The following WDR41 variants were observed in gnomAD, a reference collection of about 807,000 sequenced individuals.
WDR41 encodes WD repeat domain 41.
Under a neutral mutation model 69.3 loss-of-function variants are expected in WDR41, and 63 were observed. The observed-to-expected ratio is 0.91, with a 90% CI of 0.74 to 1.12. WDR41 has a LOEUF of 1.12. Ranked by LOEUF, WDR41 falls within the 50% of genes most tolerant of loss-of-function variation. The pLI, the probability that WDR41 is intolerant of heterozygous loss-of-function variation, is 0.00. For missense variants in WDR41, 543 were observed against 534.5 expected, an observed-to-expected ratio of 1.02 and a Z score of -0.16; for synonymous variants, 185 against 192.1, an observed-to-expected ratio of 0.96 and a Z score of 0.31.
At position 77,545,485 on chromosome 5, in the gene WDR41, G is replaced by A. The variant is rs141518950; in HGVS notation, c.43-55913C>T. 151 of 218,984 alleles carry A rather than the reference G, an allele frequency of 6.9e-4. 1 individual carries two copies. The East Asian group carries it at 0.02, about 29-fold the overall frequency. The allele number at this position is 218,984 out of a possible 1,614,324, so 13.6% of individuals were successfully genotyped here. A position where few individuals can be genotyped will look rare whatever the true frequency, so the allele number is the denominator to read the frequency against. The stretch of plus-strand genomic sequence containing the variant: ...CCACAGTGGCTTCCGGGGAGGCTTC[G>A]GCAGTGGCATCCAGGGCCAGGGTCG... On this transcript the variant is annotated intron_variant, in intron 1 of 5. Transcript: ENST00000509971.
chr5:77,620,389 A>T, intron 1 of WDR41: 1 of 429,780 alleles, frequency 2.3e-6, no homozygotes, highest in Non-Finnish European at 4.7e-6. Flanking sequence ...CTGTTTTAAT[A>T]GGGGAAAAGA....
At chr5:77,486,731 C>T (rs998588185) in intron 2 of WDR41, among the ~76,000 whole-genome samples, 1 of 152,144 alleles carries the variant, frequency 6.6e-6, no homozygotes, top group East Asian at 1.9e-4. Context: ...GCCAATCTAC[C>T]AGCTGACAGA....
At chr5:77,562,686 G>T (rs2112260106) in intron 1 of WDR41, among the ~76,000 whole-genome samples, 1 of 152,242 alleles carries the variant, frequency 6.6e-6, no homozygotes, top group South Asian at 2.1e-4. Flanking sequence ...CATCATATTG[G>T]CTAGGCATCT....
rs542067680 is a variant in WDR41 at position 77,447,254 on chromosome 5, C to G, written c.697+2506G>C. 3.3e-5 allele frequency among the ~76,000 whole-genome samples: 5 copies of G among 152,274 alleles called. No individual in the cohort carries two copies. The East Asian group carries it at 9.7e-4, about 29-fold the overall frequency. On this transcript the variant is annotated intron_variant, in intron 8 of 12. Coordinates refer to ENST00000296679, the MANE Select transcript of WDR41 (RefSeq NM_018268.4). ...GTCAGAATGGCAATTATTAAAAAGT[C>G]AGGAAACCATAGATGCTGACAAGGC... is the stretch of plus-strand genomic sequence containing the variant.
At chr5:77,488,426 C>A (rs1247112046) in intron 2 of WDR41, among the ~76,000 whole-genome samples, 1 of 150,444 alleles carries the variant, frequency 6.6e-6, no homozygotes, top group Admixed American at 6.6e-5. Flanking sequence ...CATAGTGAGA[C>A]CCTGTCTCTA....
chr5:77,512,946 TC>T, intron 1 of WDR41, among the ~76,000 whole-genome samples: 2 of 152,232 alleles, frequency 1.3e-5, no homozygotes, highest in Middle Eastern at 6.8e-3. Context: ...TCTTAGGAAG[TC>T]TTAATTAGCA....
At chr5:77,605,279 C>T (rs1744394686) in intron 1 of WDR41, among the ~76,000 whole-genome samples, 1 of 152,184 alleles carries the variant, frequency 6.6e-6, no homozygotes. Flanking sequence ...GCCCTAAATT[C>T]TCAAAGCCTT....
chr5:77,579,519 C>A (rs1266843292), intron 1 of WDR41, among the ~76,000 whole-genome samples: 1 of 151,750 alleles, frequency 6.6e-6, no homozygotes, highest in Non-Finnish European at 1.5e-5. Flanking sequence ...AGTAGAACAA[C>A]ATGTTCAAAG....
chr5:77,545,008 C>T (rs1011733679), intron 1 of WDR41, among the ~76,000 whole-genome samples: 4 of 151,974 alleles, frequency 2.6e-5, no homozygotes, highest in Non-Finnish European at 5.9e-5. Context: ...GAAATCAACT[C>T]CAAAAAGTAC....
At chr5:77,547,968 A>G (rs1374570901) in intron 1 of WDR41, among the ~76,000 whole-genome samples, 1 of 151,892 alleles carries the variant, frequency 6.6e-6, no homozygotes, top group Non-Finnish European at 1.5e-5. Flanking sequence ...GAGAACCCAG[A>G]AATAAACCCA....
intron 1 of WDR41, among the ~76,000 whole-genome samples, chr5:77,564,835 T>A (rs1743591830): frequency 6.6e-6 from 1 of 152,104 alleles, no homozygotes; most frequent in Non-Finnish European, 1.5e-5. Context: ...AACTCAACAG[T>A]CCCATAATGT....
At chr5:77,590,131 T>C (rs1464187568) in intron 1 of WDR41, among the ~76,000 whole-genome samples, 2 of 152,240 alleles carry the variant, frequency 1.3e-5, no homozygotes, top group Non-Finnish European at 2.9e-5. Flanking sequence ...GTGAATTTTA[T>C]TGACTTGTTA....
At chr5:77,574,067 G>A (rs150752197) in intron 1 of WDR41, among the ~76,000 whole-genome samples, 2,618 of 152,208 alleles carry the variant, frequency 0.017, 37 homozygotes, top group African/African-American at 0.032. Flanking sequence ...GGAGGCAGAG[G>A]CAGGCGAATC....
At position 77,463,141 on chromosome 5, in the gene WDR41, T is replaced by C. The variant is rs201858357; in HGVS notation, c.302A>G (p.Glu101Gly). 3.7e-6 allele frequency: 6 copies of C among 1,612,774 alleles called. No homozygotes were observed. The East Asian group carries it at 1.1e-4, about 30-fold the overall frequency. Residue 101 changes from glutamate to glycine, a missense_variant, in exon 4 of 13, where the codon GAG becomes GGG. Glu to Gly is a moderately conservative substitution (Grantham distance 98). Coordinates refer to ENST00000296679, the MANE Select transcript of WDR41 (RefSeq NM_018268.4). ...ITFPSLESCE[E>G]KNQLILTASA... ...GGCTGTCAAGATGAGTTGATTTTTCTCTTCACAAGATTCCAAGGAAGGAAA... is the reference window on the plus strand; with the variant it reads ...GGCTGTCAAGATGAGTTGATTTTTCCCTTCACAAGATTCCAAGGAAGGAAA...
At chr5:77,458,377 T>C (rs1175470177) in intron 5 of WDR41, among the ~76,000 whole-genome samples, 2 of 152,114 alleles carry the variant, frequency 1.3e-5, no homozygotes, top group Non-Finnish European at 2.9e-5. Context: ...AGAGCTCCAA[T>C]ATGGAGATCA....
At chr5:77,460,645 T>C (rs1235273071) in intron 4 of WDR41, among the ~76,000 whole-genome samples, 1 of 152,214 alleles carries the variant, frequency 6.6e-6, no homozygotes, top group Non-Finnish European at 1.5e-5. Context: ...TAATGAGCTA[T>C]CTTGGGGACT....
chr5:77,599,117 A>T (rs1270129603), intron 1 of WDR41, among the ~76,000 whole-genome samples: 1 of 146,314 alleles, frequency 6.8e-6, no homozygotes, highest in Non-Finnish European at 1.5e-5. Context: ...TAACTAAAAC[A>T]TACGTTTTTT....
chr5:77,513,777 A>C (rs943758746), intron 1 of WDR41, among the ~76,000 whole-genome samples: 1 of 152,132 alleles, frequency 6.6e-6, no homozygotes, highest in Non-Finnish European at 1.5e-5. Context: ...CATGAGCCCA[A>C]CTTATTTTTC....
At chr5:77,529,411 A>C (rs1802492289) in intron 1 of WDR41, among the ~76,000 whole-genome samples, 1 of 151,560 alleles carries the variant, frequency 6.6e-6, no homozygotes, top group Admixed American at 6.6e-5. Flanking sequence ...ACGTTCATGG[A>C]TTCAGAGGCT....
Sources: gnomAD v4.1 joint callset for allele counts (sites outside exome capture counted in the v4.1 genomes callset) on GRCh38, gnomAD v4.1.1 for gene constraint, MANE v1.5 for transcripts, NCBI Gene and HGNC (gene_info 2026-07-23, HGNC 2026-07-21) for gene names.